Variants in FMN2 observed in about 807,000 individuals in gnomAD.
FMN2 encodes the protein formin 2, also known as formin-2.
FMN2 carries 51 observed loss-of-function variants against 142.3 expected under a neutral mutation model. That is an observed-to-expected ratio of 0.36 (90% CI 0.29 to 0.45). FMN2 has a LOEUF of 0.45. Ranked by LOEUF, FMN2 falls within the 20% of genes least tolerant of loss-of-function variation. The pLI is 1.00. For synonymous variants in FMN2, 882 were observed against 869.8 expected (o/e 1.01, Z -0.25); for missense variants, 1,936 against 2,122.8 (o/e 0.91, Z 1.73).
At chr1:240,333,294 C>G (rs1436649925) in intron 11 of FMN2, among the ~76,000 whole-genome samples, 1 of 152,012 alleles carries the variant, frequency 6.6e-6, no homozygotes, top group Non-Finnish European at 1.5e-5. Flanking sequence ...TTATTTATAA[C>G]CACATGAGTG....
At chr1:240,356,016 T>C in intron 14 of FMN2, 108 bp downstream of exon 14, 1 of 714,838 alleles carries the variant, frequency 1.4e-6, no homozygotes, top group Non-Finnish European at 2.2e-6. Context: ...AAAATACATA[T>C]TGCTTTAAAA....
intron 2 of FMN2, among the ~76,000 whole-genome samples, chr1:240,159,311 T>C (rs765012587): frequency 1.3e-5 from 2 of 152,182 alleles, no homozygotes; most frequent in Admixed American, 1.3e-4. Context: ...CGTGTTAATG[T>C]CTTCTAGATG....
intron 3 of FMN2, among the ~76,000 whole-genome samples, chr1:240,187,506 A>G (rs1665529997): frequency 6.6e-6 from 1 of 152,056 alleles, no homozygotes; most frequent in South Asian, 2.1e-4. Context: ...TGATTCATGG[A>G]GCATGAGGAA....
chr1:240,367,385 T>A (rs1672707458), intron 14 of FMN2, among the ~76,000 whole-genome samples: 1 of 152,220 alleles, frequency 6.6e-6, no homozygotes, highest in African/African-American at 2.4e-5. Context: ...TTCATTTTTC[T>A]TTTGCTGACT....
intron 2 of FMN2, among the ~76,000 whole-genome samples, chr1:240,133,011 G>T (rs1289319702): frequency 6.6e-6 from 1 of 152,154 alleles, no homozygotes; most frequent in African/African-American, 2.4e-5. Context: ...AGGGAGAGGG[G>T]TGCAACTAGC....
chr1:240,099,077 A>G (rs1389908461), intron 1 of FMN2, among the ~76,000 whole-genome samples: 1 of 152,142 alleles, frequency 6.6e-6, no homozygotes, highest in Non-Finnish European at 1.5e-5. Context: ...ATTTCAAATT[A>G]ATACTATTAA....
chr1:240,145,119 T>C, intron 2 of FMN2: 2 of 1,482,774 alleles, frequency 1.3e-6, no homozygotes, highest in Non-Finnish European at 1.9e-6. Flanking sequence ...ATGGAAGTTG[T>C]AGAAGAACGA....
In FMN2 at chr1:240,230,424, G is replaced by A. The variant is rs766235250; in HGVS notation, c.4065+19189G>A. On this transcript the variant is annotated intron_variant, in intron 6 of 17. Transcript: ENST00000319653. ...TAAAATGAGAGCAGGAAGAGCTGAC[G>A]TCCCCTAAAGCTTTGATGCCACCTA... 3.0e-5 allele frequency among the ~76,000 whole-genome samples: 4 copies of A among 131,832 alleles called. 1 individual carries two copies. Among genetic ancestry groups the A allele is most frequent in the South Asian group, 2.4e-4 (1 of 4,238 alleles). 86.5% of individuals were successfully genotyped at this position (131,832 alleles called of 152,430 possible).
At position 240,092,171 on chromosome 1, in the gene FMN2, G is replaced by T. The variant is rs868289813; in HGVS notation, c.62G>T (p.Gly21Val). Residue 21 changes from glycine (G) to valine (V), a missense_variant, in exon 1 of 18, where the codon GGT (glycine) becomes GTT (valine). Physicochemically the swap from Gly to Val is moderately radical, Grantham distance 109. Around this residue, in one of 8 missense-constraint regions of FMN2, gnomAD observed 751 missense variants for 791.8 expected, o/e 0.95. Coordinates refer to ENST00000319653, the MANE Select transcript of FMN2 (RefSeq NM_020066.5). The stretch of plus-strand genomic sequence containing the variant: ...GGTGATGCTTTGCACGAAGGCGGCG[G>T]TGGCGCCGAGGATGCGCTGGGGCCC... Reference protein sequence around the residue: ...SAGDALHEGGGGAEDALGPRD... With the variant: ...SAGDALHEGGVGAEDALGPRD... The T allele has an allele frequency of 1.8e-5, 29 of 1,577,772 alleles. No homozygotes were observed. The highest frequency in any genetic ancestry group is 3.5e-4 in the Middle Eastern group (2 of 5,730).
rs550555762 is a variant in FMN2 at position 240,100,889 on chromosome 1, G to A, written c.1615+7165G>A. ...AGCCTATATTATGTTTCAAAATTAT[G>A]CTTAAAAAGGCTTAGGCACTACTCA... is the stretch of plus-strand genomic sequence containing the variant. On this transcript the variant is annotated intron_variant, in intron 1 of 17. Coordinates refer to ENST00000319653, the MANE Select transcript of FMN2 (RefSeq NM_020066.5). 7.9e-5 allele frequency among the ~76,000 whole-genome samples: 12 copies of A among 152,292 alleles called. No homozygotes were observed. The South Asian group carries it at 2.3e-3, about 29-fold the overall frequency.
At chr1:240,132,788 C>T (rs1242360975) in intron 2 of FMN2, among the ~76,000 whole-genome samples, 6 of 151,984 alleles carry the variant, frequency 3.9e-5, no homozygotes, top group African/African-American at 1.4e-4. Context: ...TAGAGGGTCG[C>T]GGTATGAGGG....
chr1:240,355,809 AT>A lies in FMN2; in HGVS notation c.4766-4del. On this transcript the variant is annotated splice_region_variant and splice_polypyrimidine_tract_variant and intron_variant, in intron 13 of 17. Transcript: ENST00000319653. ...GACACTCTAAATAATGTTCTGTCTA[AT>A]TTCAGCCTGTGAAGTTGAAGCAGGG... 1.2e-6 allele frequency: 2 copies of A among 1,604,380 alleles called. No homozygotes were observed. The highest frequency in any genetic ancestry group is 1.7e-6 in the Non-Finnish European group (2 of 1,172,106).
chr1:240,261,837 T>A (rs1668644581), intron 7 of FMN2, among the ~76,000 whole-genome samples: 1 of 152,170 alleles, frequency 6.6e-6, no homozygotes, highest in South Asian at 2.1e-4. Context: ...TTGGTAATGT[T>A]CAAACTGGCC....
chr1:240,362,517 TTC>T (rs1203743044), intron 14 of FMN2, among the ~76,000 whole-genome samples: 1 of 152,142 alleles, frequency 6.6e-6, no homozygotes, highest in Non-Finnish European at 1.5e-5. Context: ...CCTTCCTTTT[TTC>T]TCTCTCTTTA....
chr1:240,346,409 T>C (rs1671909545), intron 13 of FMN2, among the ~76,000 whole-genome samples: 1 of 152,126 alleles, frequency 6.6e-6, no homozygotes, highest in African/African-American at 2.4e-5. Flanking sequence ...TGCGGTAATA[T>C]TTTCCGACTG....
chr1:240,301,925 T>C (rs1670215028), intron 8 of FMN2, among the ~76,000 whole-genome samples: 2 of 152,010 alleles, frequency 1.3e-5, no homozygotes, highest in Non-Finnish European at 2.9e-5. Flanking sequence ...TTTCCATCTC[T>C]CGTCCTTCAA....
intron 6 of FMN2, among the ~76,000 whole-genome samples, chr1:240,211,568 G>A (rs918383710): frequency 1.3e-5 from 2 of 152,164 alleles, no homozygotes; most frequent in Admixed American, 6.5e-5. Flanking sequence ...TCCTATGGAT[G>A]GAAAGAAAGG....
At chr1:240,471,489 C>G (rs1676807067) in intron 16 of FMN2, among the ~76,000 whole-genome samples, 1 of 151,964 alleles carries the variant, frequency 6.6e-6, no homozygotes, top group South Asian at 2.1e-4. Flanking sequence ...CATTCTCCTG[C>G]CTCAACCTCC....
intron 14 of FMN2, among the ~76,000 whole-genome samples, chr1:240,378,536 ATCCCCTCAGTGATTT>A (rs1170605317): frequency 6.6e-6 from 1 of 152,062 alleles, no homozygotes; most frequent in Non-Finnish European, 1.5e-5. Flanking sequence ...TTTGAACCTT[ATCCCCTCAGTGATTT>A]TTCTGTCTCC....
Sources: gnomAD v4.1 joint callset for allele counts (sites outside exome capture counted in the v4.1 genomes callset) on GRCh38, gnomAD v4.1.1 for gene constraint, gnomAD v4.1.1 regional missense constraint, MANE v1.5 for transcripts, NCBI Gene and HGNC (gene_info 2026-07-23, HGNC 2026-07-21) for gene names.